The following FSD2 variants were observed in gnomAD, a reference collection of about 807,000 sequenced individuals.
FSD2 encodes the protein fibronectin type III and SPRY domain-containing protein 2.
Under a neutral mutation model 80.4 loss-of-function variants are expected in FSD2, and 71 were observed. That is an observed-to-expected ratio of 0.88 (90% CI 0.73 to 1.08). The LOEUF (loss-of-function observed/expected upper bound fraction) is 1.08, where lower values mean the gene tolerates loss of function less well. FSD2 is among the 50% of genes least tolerant of loss of function. The probability of loss-of-function intolerance (pLI) is 0.00; values close to 1 mark genes in which losing one functional copy is unlikely to be tolerated. For missense variants in FSD2, 923 were observed against 913.8 expected (o/e 1.01, Z -0.13); for synonymous variants, 361 against 329.5 (o/e 1.10, Z -1.03).
At chr15:82,759,657 T>C (rs2049244615) in intron 12 of FSD2, 57 bp from the exon 13 acceptor site, 3 of 1,372,556 alleles carry the variant, frequency 2.2e-6, no homozygotes, top group Non-Finnish European at 2.9e-6. Flanking sequence ...TGACTATTTA[T>C]AGAACATTTC....
intron 11 of FSD2, among the ~76,000 whole-genome samples, 165 bp downstream of exon 11, chr15:82,765,001 C>T (rs2049380545): frequency 6.6e-6 from 1 of 152,058 alleles, no homozygotes; most frequent in South Asian, 2.1e-4. Context: ...CCCCTCTTGC[C>T]CACACTCCTC....
At chr15:82,767,833 T>C (rs1230704616) in intron 9 of FSD2, among the ~76,000 whole-genome samples, 3 of 152,206 alleles carry the variant, frequency 2.0e-5, no homozygotes, top group African/African-American at 7.2e-5. Flanking sequence ...GCATTTAGCA[T>C]AGAAGAATCT....
chr15:82,790,614 C>T (rs1268174375), intron 1 of FSD2, among the ~76,000 whole-genome samples: 1 of 151,486 alleles, frequency 6.6e-6, no homozygotes, highest in Non-Finnish European at 1.5e-5. Flanking sequence ...CTCACTCTGT[C>T]GCCTAGGGTG....
rs746987014 is a variant in FSD2, at chr15:82,769,774, T to G, written c.1378A>C (p.Ser460Arg). The change falls in exon 8 of 13, where the codon AGC becomes CGC. Residue 460 changes from serine (S) to arginine (R), a missense_variant. Transcript: ENST00000334574. ...AHNRAGPSPS[S>R]ERAVYMTAPS... ...CCTGTCATGTACACTGCACGCTCGC[T>G]AGAGGGGCTGGGGCCAGCCCTGTTG... 27 of 1,613,836 alleles carry G rather than the reference T, an allele frequency of 1.7e-5. No individual in the cohort carries two copies. Among genetic ancestry groups the G allele is most frequent in the Non-Finnish European group, 2.0e-5 (24 of 1,179,866 alleles).
chr15:82,798,746 CT>C (rs1490266042), intron 1 of FSD2, among the ~76,000 whole-genome samples: 1 of 152,196 alleles, frequency 6.6e-6, no homozygotes. Context: ...TCGGCTTCCC[CT>C]ATCAGCTCTG....
intron 1 of FSD2, among the ~76,000 whole-genome samples, chr15:82,797,038 A>C (rs1399949897): frequency 2.8e-4 from 27 of 96,452 alleles, no homozygotes; most frequent in Non-Finnish European, 4.5e-4. Flanking sequence ...AAAAAAAAAA[A>C]AAACACCTCC....
chr15:82,797,294 A>G (rs1418010339), intron 1 of FSD2, among the ~76,000 whole-genome samples: 1 of 152,248 alleles, frequency 6.6e-6, no homozygotes, highest in Non-Finnish European at 1.5e-5. Flanking sequence ...TGTGAGTGAC[A>G]TTGCTATAAT....
At chr15:82,784,754 G>A (rs929305742) in intron 3 of FSD2, among the ~76,000 whole-genome samples, 2 of 152,142 alleles carry the variant, frequency 1.3e-5, no homozygotes, top group Non-Finnish European at 2.9e-5. Context: ...AGATCCTCCT[G>A]TTGGTACCAT....
rs1212592018 is a variant in FSD2 at position 82,759,291 on chromosome 15, G to GT, written c.*56dup. The stretch of plus-strand genomic sequence containing the variant: ...AGTGCCAGGTTCAGCCAGCTAAGGC[G>GT]TGAGCAGCTGCGAGAGGGGTAGGCA... On this transcript the variant is annotated 3_prime_UTR_variant, in exon 13 of 13. Transcript: ENST00000334574. 10 of 1,578,210 alleles carry GT rather than the reference G, an allele frequency of 6.3e-6. No homozygotes were observed. The highest frequency in any genetic ancestry group is 7.7e-6 in the Non-Finnish European group (9 of 1,162,356).
At chr15:82,797,006 C>T (rs58229275) in intron 1 of FSD2, among the ~76,000 whole-genome samples, 19,031 of 134,892 alleles carry the variant, frequency 0.14, 1,355 homozygotes, top group East Asian at 0.22. Context: ...TGTAAGATTT[C>T]ATTGCTTGGT....
chr15:82,772,095 G>GCTGT lies in FSD2; in HGVS notation c.1241_1244dup (p.Ser415ArgfsTer32), dbSNP rs774933403. 3 of 1,585,196 alleles carry GCTGT rather than the reference G, an allele frequency of 1.9e-6. No homozygotes were observed. The highest frequency in any genetic ancestry group is 2.7e-5 in the African/African-American group (2 of 73,272). On this transcript the variant is annotated frameshift_variant, in exon 7 of 13. Coordinates refer to ENST00000334574, the MANE Select transcript of FSD2 (RefSeq NM_001007122.4). LOFTEE classifies it high-confidence loss of function. ...CACCTGCTTGGTCCGTCCCAGGTGA[G>GCTGT]CTGTCCTGCACTGGCCGGTAGGACA...
rs150338347 is a variant in FSD2, at chr15:82,786,989, G to A, written c.402C>T (p.Phe134=). The A allele has an allele frequency of 0.015, 24,291 of 1,613,924 alleles. 192 individuals carry two copies. The highest frequency in any genetic ancestry group is 0.018 in the Non-Finnish European group (20,992 of 1,179,882). The change falls in exon 2 of 13, where the codon TTC becomes TTT. Residue 134 remains phenylalanine (F), a synonymous_variant. Transcript: ENST00000334574. ...ACTGGCCTGCTGAGCCCCACCCTCCGAAGCCCAGGTCCTCGGCCTCCGCTG... is the reference window on the plus strand; with the variant it reads ...ACTGGCCTGCTGAGCCCCACCCTCCAAAGCCCAGGTCCTCGGCCTCCGCTG... The part of the protein sequence containing the change: ...GEAAEAEDLG[F]GGWGSAGQCQ...
At chr15:82,795,573 TAAACC>T (rs1365724887) in intron 1 of FSD2, among the ~76,000 whole-genome samples, 16 of 152,306 alleles carry the variant, frequency 1.1e-4, no homozygotes, top group Non-Finnish European at 4.4e-5. Context: ...CTCACGCCTG[TAAACC>T]CAGCACTTTA....
At chr15:82,786,468 G>A (rs1391847989) in intron 3 of FSD2, 43 bp downstream of exon 3, 2 of 1,424,956 alleles carry the variant, frequency 1.4e-6, no homozygotes, top group South Asian at 1.2e-5. Flanking sequence ...AGCCATTGAT[G>A]GAAGAAATGT....
intron 4 of FSD2, among the ~76,000 whole-genome samples, chr15:82,780,625 G>A (rs973937444): frequency 1.3e-5 from 2 of 151,688 alleles, no homozygotes; most frequent in African/African-American, 4.8e-5. Context: ...GAGCCACCGT[G>A]CCTGGCTGGA....
intron 1 of FSD2, 133 bp from the exon 2 acceptor site, chr15:82,787,601 C>T (rs948104568): frequency 2.4e-6 from 1 of 415,168 alleles, no homozygotes; most frequent in East Asian, 3.7e-5. Flanking sequence ...TCACTTTGAA[C>T]CATCTTTAAA....
At position 82,759,503 on chromosome 15, in the gene FSD2, TTGAA is replaced by T. The variant is rs2049239825; in HGVS notation, c.2091_2094del (p.His697GlnfsTer37). The T allele has an allele frequency of 3.1e-6, 5 of 1,612,578 alleles. No homozygotes were observed. Among genetic ancestry groups the T allele is most frequent in the Middle Eastern group, 1.7e-4 (1 of 6,058 alleles). ...AGGTCCACATTGAAAAATGACAACT[TTGAA>T]TGTTCATAGTCTAATAGAATGCCAA... On this transcript the variant is annotated frameshift_variant, in exon 13 of 13. Transcript: ENST00000334574. LOFTEE classifies it high-confidence loss of function.
chr15:82,788,185 A>T (rs1271820984), intron 1 of FSD2, among the ~76,000 whole-genome samples: 3 of 152,154 alleles, frequency 2.0e-5, no homozygotes, highest in African/African-American at 7.2e-5. Context: ...AAACATTTGA[A>T]AAAAACTGTA....
intron 9 of FSD2, 66 bp from the exon 10 acceptor site, chr15:82,766,097 C>G: frequency 1.4e-6 from 2 of 1,480,748 alleles, no homozygotes; most frequent in South Asian, 1.3e-5. Context: ...CACCAGGCAT[C>G]CCTTTCAAAG....
Sources: gnomAD v4.1 joint callset for allele counts (sites outside exome capture counted in the v4.1 genomes callset) on GRCh38, gnomAD v4.1.1 for gene constraint, MANE v1.5 for transcripts, NCBI Gene and HGNC (gene_info 2026-07-23, HGNC 2026-07-21) for gene names.